The following ROBO2 variants were observed in gnomAD, a reference collection of about 807,000 sequenced individuals.
The protein encoded by ROBO2 is roundabout homolog 2.
ROBO2 carries 53 observed loss-of-function variants against 160.8 expected under a neutral mutation model. That is an observed-to-expected ratio of 0.33 (90% CI 0.26 to 0.41). The LOEUF (loss-of-function observed/expected upper bound fraction) is 0.41. ROBO2 is among the 10% of genes least tolerant of loss of function. The pLI is 1.00. For synonymous variants in ROBO2, 664 were observed against 611.7 expected, an observed-to-expected ratio of 1.09 and a Z score of -1.26; for missense variants, 1,577 against 1,722.4, an observed-to-expected ratio of 0.92 and a Z score of 1.49.
chr3:77,321,205 T>C (rs1192948338), intron 2 of ROBO2, among the ~76,000 whole-genome samples: 2 of 152,266 alleles, frequency 1.3e-5, no homozygotes, highest in African/African-American at 4.8e-5. Flanking sequence ...GGCATATTGC[T>C]GTACTTCTCT....
At chr3:76,109,393 C>T (rs1024835673) in intron 2 of ROBO2, among the ~76,000 whole-genome samples, 26 of 151,902 alleles carry the variant, frequency 1.7e-4, no homozygotes, top group South Asian at 4.2e-4. Flanking sequence ...GGTAGAGAAA[C>T]GCAAGATGTC....
At chr3:76,240,868 C>T (rs1010986256) in intron 2 of ROBO2, among the ~76,000 whole-genome samples, 2 of 152,184 alleles carry the variant, frequency 1.3e-5, no homozygotes, top group Non-Finnish European at 2.9e-5. Flanking sequence ...TCACTTCCAA[C>T]TCTAAAATGT....
At chr3:77,263,372 A>G (rs2058903630) in intron 2 of ROBO2, among the ~76,000 whole-genome samples, 1 of 152,108 alleles carries the variant, frequency 6.6e-6, no homozygotes, top group South Asian at 2.1e-4. Context: ...CCTAGTACCC[A>G]TTAGTAATTT....
In ROBO2 at chr3:76,501,144, C is replaced by T. The variant is rs1211990267; in HGVS notation, c.109+563542C>T. Among the ~76,000 whole-genome samples the T allele has an allele frequency of 9.2e-5, 14 of 152,076 alleles. No individual in the cohort carries two copies. The East Asian group carries it at 2.3e-3, about 25-fold the overall frequency. ...TATCAGAATTGGATTTTATTTTAAA[C>T]CAGATTTTATCAGTTTGAAGGTTAA... On this transcript the variant is annotated intron_variant, in intron 2 of 26. Coordinates refer to the ROBO2 transcript ENST00000487694.
At chr3:77,308,133 C>A (rs1381718292) in intron 2 of ROBO2, among the ~76,000 whole-genome samples, 4 of 147,354 alleles carry the variant, frequency 2.7e-5, no homozygotes, top group Non-Finnish European at 6.0e-5. Context: ...TATACAAAGT[C>A]TACAAATTAA....
intron 2 of ROBO2, among the ~76,000 whole-genome samples, chr3:77,155,658 G>C (rs975536772): frequency 6.6e-6 from 1 of 151,972 alleles, no homozygotes; most frequent in Non-Finnish European, 1.5e-5. Flanking sequence ...ACACATGATA[G>C]TTATTTAACA....
chr3:76,408,972 T>G (rs533639062), intron 2 of ROBO2, among the ~76,000 whole-genome samples: 3 of 148,760 alleles, frequency 2.0e-5, no homozygotes, highest in African/African-American at 7.3e-5. Context: ...TGAATTATAA[T>G]ACACTAGGGT....
intron 2 of ROBO2, among the ~76,000 whole-genome samples, chr3:76,696,730 T>C (rs1335785342): frequency 6.6e-6 from 1 of 152,224 alleles, no homozygotes; most frequent in Non-Finnish European, 1.5e-5. Context: ...CAACATTGCC[T>C]ACTGCAATTT....
At chr3:76,276,015 A>G (rs1298222837) in intron 2 of ROBO2, among the ~76,000 whole-genome samples, 1 of 152,098 alleles carries the variant, frequency 6.6e-6, no homozygotes, top group Non-Finnish European at 1.5e-5. Context: ...AGGGATGCTG[A>G]TATCAGATAA....
intron 2 of ROBO2, among the ~76,000 whole-genome samples, chr3:77,434,072 G>A (rs2079052245): frequency 6.6e-6 from 1 of 151,934 alleles, no homozygotes; most frequent in South Asian, 2.1e-4. Flanking sequence ...ACTTTTCCCT[G>A]ACCTCCTTTT....
At chr3:76,401,525 G>A (rs1184940146) in intron 2 of ROBO2, among the ~76,000 whole-genome samples, 1 of 151,522 alleles carries the variant, frequency 6.6e-6, no homozygotes, top group African/African-American at 2.4e-5. Flanking sequence ...GGCAATGAAG[G>A]TGATAAAAGA....
intron 2 of ROBO2, among the ~76,000 whole-genome samples, chr3:76,742,574 A>T (rs9818389): frequency 0.021 from 3,223 of 152,188 alleles, 94 homozygotes; most frequent in African/African-American, 0.068. Context: ...GATTTTTTTT[A>T]AAATGTGAAA....
chr3:77,473,814 G>A (rs919772996), intron 2 of ROBO2, among the ~76,000 whole-genome samples: 1 of 152,022 alleles, frequency 6.6e-6, no homozygotes, highest in Non-Finnish European at 1.5e-5. Context: ...GGGAAGCCTC[G>A]CTGAGGACTT....
At chr3:77,176,754 T>G (rs1579663347) in intron 2 of ROBO2, among the ~76,000 whole-genome samples, 1 of 152,028 alleles carries the variant, frequency 6.6e-6, no homozygotes, top group Non-Finnish European at 1.5e-5. Flanking sequence ...ATATTAAAAC[T>G]GTATCACTGG....
intron 2 of ROBO2, among the ~76,000 whole-genome samples, chr3:77,224,803 C>T (rs1018249364): frequency 3.3e-5 from 5 of 151,788 alleles, no homozygotes; most frequent in Non-Finnish European, 4.4e-5. Context: ...TTCAAAGCTA[C>T]ACAGATTATA....
chr3:76,737,026 G>A (rs1056207667), intron 2 of ROBO2, among the ~76,000 whole-genome samples: 4 of 152,186 alleles, frequency 2.6e-5, no homozygotes, highest in African/African-American at 9.7e-5. Flanking sequence ...GGCAGGCTCT[G>A]CAAAGTTATT....
intron 2 of ROBO2, among the ~76,000 whole-genome samples, chr3:77,398,084 A>G (rs897962792): frequency 1.3e-5 from 2 of 152,142 alleles, no homozygotes; most frequent in Non-Finnish European, 2.9e-5. Context: ...ATTATATTTT[A>G]TATATGAATG....
chr3:76,337,293 A>G (rs1168391687), intron 2 of ROBO2, among the ~76,000 whole-genome samples: 1 of 152,178 alleles, frequency 6.6e-6, no homozygotes, highest in Non-Finnish European at 1.5e-5. Context: ...ACACTAGAAA[A>G]TACTAAAAAC....
intron 2 of ROBO2, among the ~76,000 whole-genome samples, chr3:77,311,856 G>T (rs1213295525): frequency 6.6e-6 from 1 of 152,142 alleles, no homozygotes; most frequent in Non-Finnish European, 1.5e-5. Flanking sequence ...AGAGGCCGAG[G>T]TGGGCAGATC....
Sources: allele counts gnomAD v4.1 joint callset (sites outside exome capture counted in the v4.1 genomes callset), GRCh38; gene constraint gnomAD v4.1.1; transcripts MANE v1.5; gene names NCBI Gene and HGNC (gene_info 2026-07-23, HGNC 2026-07-21).